The following STS variants were observed in gnomAD, a reference collection of about 807,000 sequenced individuals.
STS encodes steroid sulfatase, also known as steryl-sulfatase.
A neutral mutation model predicts 26.8 loss-of-function variants in STS; 7 were observed. The observed-to-expected ratio is 0.26, with a 90% CI of 0.15 to 0.49. The LOEUF (loss-of-function observed/expected upper bound fraction) is 0.49, where lower values mean the gene tolerates loss of function less well. Ranked by LOEUF, STS falls within the 20% of genes least tolerant of loss-of-function variation. The pLI is 0.98. For synonymous variants in STS, 199 were observed against 189.4 expected, an observed-to-expected ratio of 1.05 and a Z score of -0.42; for missense variants, 434 against 465.6, an observed-to-expected ratio of 0.93 and a Z score of 0.63.
intron 7 of STS, among the ~76,000 whole-genome samples, chrX:7,285,187 A>G (rs1354464037): frequency 9.0e-6 from 1 of 111,388 alleles, no homozygotes; most frequent in Admixed American, 9.6e-5. Context: ...TAAGTTGCCC[A>G]AAGTCATGGA....
chrX:7,337,228 T>C (rs1367766736), intron 10 of STS, among the ~76,000 whole-genome samples: 2 of 112,334 alleles, frequency 1.8e-5, no homozygotes, highest in South Asian at 7.4e-4. Flanking sequence ...GTGTTCATTT[T>C]TCCTAGAAAT....
At chrX:7,217,600 T>C (rs762075654) in intron 2 of STS, among the ~76,000 whole-genome samples, 103 of 111,660 alleles carry the variant, frequency 9.2e-4, no homozygotes, top group South Asian at 1.5e-3. Context: ...AGTATGCCCA[T>C]CTCATCCAAC....
chrX:7,311,300 A>G (rs1406685896), intron 8 of STS, among the ~76,000 whole-genome samples: 1 of 110,396 alleles, frequency 9.1e-6, no homozygotes, highest in South Asian at 4.0e-4. Context: ...AATGTACTCT[A>G]TTGAATTTCT....
intron 7 of STS, among the ~76,000 whole-genome samples, chrX:7,300,675 T>C (rs1481953165): frequency 9.0e-6 from 1 of 111,424 alleles, no homozygotes; most frequent in Non-Finnish European, 1.9e-5. Context: ...GAGCTAAATA[T>C]TCTACCATGC....
At chrX:7,183,105 T>C (rs1250223798) in intron 1 of STS, among the ~76,000 whole-genome samples, 1 of 111,762 alleles carries the variant, frequency 8.9e-6, no homozygotes, top group Non-Finnish European at 1.9e-5. Flanking sequence ...GTGCCAGCAG[T>C]CAAATAAATG....
chrX:7,227,448 G>GTT (rs34307828), intron 2 of STS, among the ~76,000 whole-genome samples: 98 of 91,928 alleles, frequency 1.1e-3, no homozygotes, highest in South Asian at 3.4e-3. Context: ...TCAAATCGTT[G>GTT]TTTTTTTTTT....
chrX:7,227,462 T>A (rs1391025164), intron 2 of STS, among the ~76,000 whole-genome samples: 1 of 110,037 alleles, frequency 9.1e-6, no homozygotes, highest in Non-Finnish European at 1.9e-5. Context: ...TTTTTTTTTT[T>A]TATAAAAGCA....
chrX:7,348,733 C>G (rs1928634543), intron 10 of STS, among the ~76,000 whole-genome samples: 1 of 111,865 alleles, frequency 8.9e-6, no homozygotes, highest in East Asian at 2.8e-4. Flanking sequence ...ACTAACCATC[C>G]TATTCTGGTG....
At chrX:7,156,843 A>G (rs1432235257) in intron 1 of STS, among the ~76,000 whole-genome samples, 1 of 112,017 alleles carries the variant, frequency 8.9e-6, no homozygotes, top group Non-Finnish European at 1.9e-5. Flanking sequence ...ACCATGTTCC[A>G]TGTAACACAC....
At chrX:7,237,510 A>G (rs1346170601) in intron 2 of STS, among the ~76,000 whole-genome samples, 1 of 111,987 alleles carries the variant, frequency 8.9e-6, no homozygotes, top group African/African-American at 3.2e-5. Flanking sequence ...TTCATTTTGT[A>G]AGGTTAACAA....
rs185918131 is a variant in STS, at chrX:7,206,356, G to C, written c.-5+15348G>C. Among the ~76,000 whole-genome samples, 591 of 112,087 alleles carry C rather than the reference G, an allele frequency of 5.3e-3. 4 individuals are homozygous for C. Among genetic ancestry groups the C allele is most frequent in the African/African-American group, 0.018 (561 of 30,849 alleles). ...AGATGTCCTCACCTTGATCTTCGCA[G>C]CATTCTGCTGAATTACTTCATTTAT... On this transcript the variant is annotated intron_variant, in intron 2 of 10. Transcript: ENST00000674429.
chrX:7,287,103 G>A (rs1275148145), intron 7 of STS, among the ~76,000 whole-genome samples: 1 of 111,077 alleles, frequency 9.0e-6, no homozygotes, highest in African/African-American at 3.3e-5. Context: ...GCCTTCCTAC[G>A]ATGTCTGGAC....
At chrX:7,222,596 A>T (rs1283356746) in intron 2 of STS, among the ~76,000 whole-genome samples, 1 of 109,603 alleles carries the variant, frequency 9.1e-6, no homozygotes, top group African/African-American at 3.3e-5. Flanking sequence ...GACAACTATC[A>T]TCATTAAGTT....
chrX:7,263,212 G>T (rs1923834292), intron 6 of STS, among the ~76,000 whole-genome samples: 1 of 111,172 alleles, frequency 9.0e-6, no homozygotes, highest in African/African-American at 3.3e-5. Flanking sequence ...GGGATTACAG[G>T]TGTGTGCCAC....
In STS at chrX:7,168,681, C is replaced by T. The variant is rs746816622; in HGVS notation, c.-134+20598C>T. ...CTCCTTTCCCTGCACCCAGGCCTTG[C>T]AGTGGGATATCATCTCTCAGTGATT... is the stretch of plus-strand genomic sequence containing the variant. On this transcript the variant is annotated intron_variant, in intron 1 of 10. Coordinates refer to ENST00000674429, the MANE Select transcript of STS (RefSeq NM_001320752.2). Among the ~76,000 whole-genome samples the T allele has an allele frequency of 3.6e-5, 4 of 111,390 alleles. No homozygotes were observed. In the East Asian group the frequency reaches 8.6e-4, roughly 24 times the overall value.
At chrX:7,305,347 T>C (rs180724495) in intron 8 of STS, among the ~76,000 whole-genome samples, 164 bp downstream of exon 8, 434 of 112,333 alleles carry the variant, frequency 3.9e-3, no homozygotes, top group African/African-American at 0.013. Flanking sequence ...ATTTCTGTTC[T>C]GGTTCCCACA....
At chrX:7,148,437 C>T (rs1208911945) in intron 1 of STS, among the ~76,000 whole-genome samples, 1 of 112,966 alleles carries the variant, frequency 8.9e-6, no homozygotes, top group Non-Finnish European at 1.9e-5. Context: ...CGCGCAGAGC[C>T]GAGGCCCTCG....
intron 2 of STS, among the ~76,000 whole-genome samples, chrX:7,228,722 T>G (rs1921926527): frequency 8.9e-6 from 1 of 112,323 alleles, no homozygotes; most frequent in Admixed American, 9.5e-5. Context: ...CTTGTTAGTT[T>G]GACGTAGTCC....
intron 2 of STS, among the ~76,000 whole-genome samples, chrX:7,234,559 T>C (rs1922224890): frequency 8.9e-6 from 1 of 111,803 alleles, no homozygotes. Context: ...GGAGGGAAAA[T>C]TGACACTCCA....
Sources: gnomAD v4.1 joint callset for allele counts (sites outside exome capture counted in the v4.1 genomes callset) on GRCh38, gnomAD v4.1.1 for gene constraint, MANE v1.5 for transcripts, NCBI Gene and HGNC (gene_info 2026-07-23, HGNC 2026-07-21) for gene names.